Variants in DPYD observed in about 807,000 individuals in gnomAD.
DPYD encodes dihydropyrimidine dehydrogenase [NADP(+)].
In DPYD, 109 loss-of-function variants were observed where a neutral mutation model predicts 116.2. The observed-to-expected ratio is 0.94, with a 90% CI of 0.80 to 1.10. The LOEUF is 1.10. Ranked by LOEUF, DPYD falls within the 50% of genes least tolerant of loss-of-function variation. The pLI, the probability that DPYD is intolerant of heterozygous loss-of-function variation, is 0.00. For missense variants in DPYD, 1,302 were observed against 1,254.5 expected, an observed-to-expected ratio of 1.04 and a Z score of -0.57; for synonymous variants, 440 against 432.0, an observed-to-expected ratio of 1.02 and a Z score of -0.23.
chr1:97,163,874 A>G (rs139463262), intron 20 of DPYD, among the ~76,000 whole-genome samples: 3 of 152,296 alleles, frequency 2.0e-5, no homozygotes, highest in African/African-American at 7.2e-5. Context: ...TCTTTTAGAA[A>G]CAAGATTGAG....
intron 20 of DPYD, among the ~76,000 whole-genome samples, chr1:97,157,587 G>T (rs1447421479): frequency 1.3e-5 from 2 of 152,144 alleles, no homozygotes; most frequent in Non-Finnish European, 2.9e-5. Context: ...CATGGTGACT[G>T]AATGGGGAAG....
intron 20 of DPYD, among the ~76,000 whole-genome samples, chr1:97,162,828 A>G (rs887147681): frequency 5.3e-5 from 8 of 151,894 alleles, no homozygotes; most frequent in Admixed American, 1.3e-4. Context: ...ATAACGCCAC[A>G]TATCTACAAC....
At chr1:97,170,573 G>A (rs1656650261) in intron 20 of DPYD, among the ~76,000 whole-genome samples, 1 of 152,114 alleles carries the variant, frequency 6.6e-6, no homozygotes, top group South Asian at 2.1e-4. Context: ...AATTTGCAGG[G>A]ATCTATGCAG....
At chr1:97,344,494 C>T (rs554009346) in intron 16 of DPYD, among the ~76,000 whole-genome samples, 4 of 151,774 alleles carry the variant, frequency 2.6e-5, no homozygotes, top group Admixed American at 6.6e-5. Context: ...ATTCTTTAAA[C>T]CCTATGTTTA....
intron 12 of DPYD, among the ~76,000 whole-genome samples, chr1:97,538,901 A>G (rs1286913134): frequency 5.3e-5 from 8 of 152,202 alleles, no homozygotes; most frequent in African/African-American, 2.4e-5. Context: ...ACAAATTGGA[A>G]GAAATAATAT....
At chr1:97,248,579 A>G (rs1017378749) in intron 18 of DPYD, among the ~76,000 whole-genome samples, 3 of 152,204 alleles carry the variant, frequency 2.0e-5, no homozygotes, top group Non-Finnish European at 4.4e-5. Context: ...TAATTCACCA[A>G]TCAACTGAAT....
intron 1 of DPYD, among the ~76,000 whole-genome samples, chr1:97,898,565 ATT>A (rs748839200): frequency 3.8e-4 from 58 of 151,846 alleles, no homozygotes; most frequent in Non-Finnish European, 3.4e-4. Context: ...TGTTTCATAT[ATT>A]TTGTTTCTTT....
At chr1:97,088,654 C>A (rs1259172033) in intron 21 of DPYD, among the ~76,000 whole-genome samples, 6 of 152,046 alleles carry the variant, frequency 3.9e-5, no homozygotes, top group Non-Finnish European at 7.4e-5. Flanking sequence ...TTGTGGATTT[C>A]CATGCATGTG....
In DPYD at chr1:97,816,744, G is replaced by A. The variant is rs970073097; in HGVS notation, c.233+11370C>T. Among the ~76,000 whole-genome samples the A allele has an allele frequency of 2.6e-5, 4 of 151,974 alleles. No homozygotes were observed. In the East Asian group the frequency reaches 7.7e-4, roughly 29 times the overall value. The stretch of plus-strand genomic sequence containing the variant: ...CTATGTCTCATGTTTGTTGCATATT[G>A]GTGATTTCACAAGCTAGATTGTCTG... On this transcript the variant is annotated intron_variant, in intron 3 of 22. Coordinates refer to ENST00000370192, the MANE Select transcript of DPYD (RefSeq NM_000110.4).
At chr1:97,262,093 T>C (rs1039304715) in intron 18 of DPYD, among the ~76,000 whole-genome samples, 3 of 152,090 alleles carry the variant, frequency 2.0e-5, no homozygotes, top group South Asian at 2.1e-4. Flanking sequence ...CTTTTTGTTC[T>C]CTCTAGCATG....
At chr1:97,165,008 A>G (rs956372971) in intron 20 of DPYD, among the ~76,000 whole-genome samples, 2 of 151,980 alleles carry the variant, frequency 1.3e-5, no homozygotes, top group Non-Finnish European at 2.9e-5. Flanking sequence ...GCGCCCAGCC[A>G]CAATGTACAG....
At position 97,509,524 on chromosome 1, in the gene DPYD, C is replaced by T. The variant is rs377743720; in HGVS notation, c.1740+6202G>A. On this transcript the variant is annotated intron_variant, in intron 13 of 22. Transcript: ENST00000370192. ...ACATAATACATCTCTAGAAAGAACA[C>T]TGAACGTGTTCAGTTGAGTGTTTCT... Among the ~76,000 whole-genome samples the T allele has an allele frequency of 2.0e-5, 3 of 152,040 alleles. No individual in the cohort carries two copies. In the South Asian group the frequency reaches 6.2e-4, roughly 32 times the overall value.
At chr1:97,552,886 A>AACC (rs201580610) in intron 11 of DPYD, among the ~76,000 whole-genome samples, 2,133 of 152,144 alleles carry the variant, frequency 0.014, 24 homozygotes, top group Middle Eastern at 0.027. Flanking sequence ...TAAAAAGAAA[A>AACC]AGCTGAGAGA....
chr1:97,198,649 A>T (rs1042868443), intron 19 of DPYD, among the ~76,000 whole-genome samples: 2 of 152,160 alleles, frequency 1.3e-5, no homozygotes, highest in African/African-American at 4.8e-5. Flanking sequence ...TTTATATGAC[A>T]TCTCTTAATT....
chr1:97,242,549 G>T (rs1662447127), intron 18 of DPYD, among the ~76,000 whole-genome samples: 2 of 151,518 alleles, frequency 1.3e-5, no homozygotes, highest in Admixed American at 1.3e-4. Context: ...GGTGAGTCCT[G>T]CAGTAAAGGG....
chr1:97,141,164 C>G (rs1413785201), intron 20 of DPYD, among the ~76,000 whole-genome samples: 1 of 152,136 alleles, frequency 6.6e-6, no homozygotes, highest in Non-Finnish European at 1.5e-5. Flanking sequence ...TTTTCTAACA[C>G]AGTCCCTGGC....
chr1:97,671,918 T>C (rs371760035), intron 8 of DPYD, among the ~76,000 whole-genome samples: 1 of 140,768 alleles, frequency 7.1e-6, no homozygotes, highest in Non-Finnish European at 1.6e-5. Context: ...CTTTTCTTTT[T>C]ATTTATTTAT....
chr1:97,714,091 G>T (rs1461643245), intron 5 of DPYD, among the ~76,000 whole-genome samples: 1 of 151,944 alleles, frequency 6.6e-6, no homozygotes, highest in Non-Finnish European at 1.5e-5. Flanking sequence ...AATGTGCTAG[G>T]TTTATTCCTA....
intron 13 of DPYD, among the ~76,000 whole-genome samples, chr1:97,487,403 G>T (rs1175939168): frequency 6.6e-6 from 1 of 152,196 alleles, no homozygotes; most frequent in Non-Finnish European, 1.5e-5. Flanking sequence ...GCCAGGCGCG[G>T]TGGCTCACAT....
Sources: allele counts gnomAD v4.1 joint callset (sites outside exome capture counted in the v4.1 genomes callset), GRCh38; gene constraint gnomAD v4.1.1; transcripts MANE v1.5; gene names NCBI Gene and HGNC (gene_info 2026-07-23, HGNC 2026-07-21).